Variants in CALN1 observed in about 807,000 individuals in gnomAD.
The protein encoded by CALN1 is calneuron 1, also known as calcium-binding protein 8.
A neutral mutation model predicts 30.6 loss-of-function variants in CALN1; 17 were observed. The ratio of observed to expected loss-of-function variants is 0.56; its 90% CI spans 0.38 to 0.83. CALN1 has a LOEUF of 0.83. CALN1 is among the 40% of genes least tolerant of loss of function. The pLI is 0.00. For missense variants in CALN1, 291 were observed against 354.9 expected, an observed-to-expected ratio of 0.82 and a Z score of 1.45; for synonymous variants, 156 against 131.4, an observed-to-expected ratio of 1.19 and a Z score of -1.28.
At chr7:72,488,287 C>T in the CALN1 span, among the ~76,000 whole-genome samples, 3 of 151,990 alleles carry the variant, frequency 2.0e-5, no homozygotes, top group South Asian at 6.2e-4. Flanking sequence ...AGGAGGATTG[C>T]TTGAGCCCAG....
At chr7:72,430,240 A>G (rs1051469751) in intron 1 of CALN1, among the ~76,000 whole-genome samples, 10 of 148,134 alleles carry the variant, frequency 6.8e-5, no homozygotes, top group African/African-American at 2.4e-4. Context: ...ATATTTACAC[A>G]TAATAATTAT....
intron 5 of CALN1, among the ~76,000 whole-genome samples, chr7:71,987,914 GA>G (rs1392751774): frequency 2.6e-5 from 4 of 152,146 alleles, no homozygotes; most frequent in African/African-American, 9.7e-5. Context: ...ATGGGGAAGG[GA>G]ATGAGACCTC....
intron 3 of CALN1, among the ~76,000 whole-genome samples, chr7:72,247,216 C>T (rs542085601): frequency 1.6e-4 from 20 of 126,480 alleles, no homozygotes; most frequent in Middle Eastern, 4.4e-3. Context: ...TTTCAACAGA[C>T]CATTTTCTTT....
At chr7:72,083,313 T>A (rs1805274525) in intron 4 of CALN1, among the ~76,000 whole-genome samples, 1 of 152,288 alleles carries the variant, frequency 6.6e-6, no homozygotes, top group East Asian at 1.9e-4. Flanking sequence ...GTATGATAAA[T>A]GTGCCAAAGA....
intron 5 of CALN1, among the ~76,000 whole-genome samples, chr7:71,922,810 AATAT>A (rs907583940): frequency 1.4e-5 from 2 of 141,660 alleles, no homozygotes; most frequent in Non-Finnish European, 3.0e-5. Context: ...ATTATATATA[AATAT>A]ATAATATACA....
At chr7:71,990,996 G>GTCT (rs1798919284) in intron 5 of CALN1, among the ~76,000 whole-genome samples, 1 of 150,874 alleles carries the variant, frequency 6.6e-6, no homozygotes, top group Non-Finnish European at 1.5e-5. Context: ...CTAACGCAGA[G>GTCT]GACCAACATC....
At chr7:72,050,308 T>C (rs890864284) in intron 4 of CALN1, among the ~76,000 whole-genome samples, 2 of 152,132 alleles carry the variant, frequency 1.3e-5, no homozygotes, top group African/African-American at 2.4e-5. Context: ...AGTAGTACAA[T>C]TGCAATTACT....
intron 2 of CALN1, among the ~76,000 whole-genome samples, chr7:72,310,963 T>C (rs1429169443): frequency 6.7e-6 from 1 of 149,146 alleles, no homozygotes; most frequent in Admixed American, 6.7e-5. Context: ...ATATATACGG[T>C]GGATCCTTAA....
intron 5 of CALN1, among the ~76,000 whole-genome samples, chr7:71,963,095 C>T (rs1797330405): frequency 6.6e-6 from 1 of 152,170 alleles, no homozygotes; most frequent in African/African-American, 2.4e-5. Context: ...AAAGTTTACT[C>T]TTGCTAGTGT....
At chr7:72,277,553 C>A (rs574254776) in intron 3 of CALN1, among the ~76,000 whole-genome samples, 1 of 152,288 alleles carries the variant, frequency 6.6e-6, no homozygotes, top group South Asian at 2.1e-4. Flanking sequence ...CCCAGCCCAC[C>A]GGGGCCACAT....
At chr7:72,438,009 C>A (rs536727596) in intron 1 of CALN1, among the ~76,000 whole-genome samples, 5 of 150,466 alleles carry the variant, frequency 3.3e-5, no homozygotes, top group African/African-American at 9.8e-5. Flanking sequence ...GAGTCTCAGT[C>A]TGTTGCCCAG....
chr7:71,877,731 T>C (rs1407006499), intron 5 of CALN1, among the ~76,000 whole-genome samples: 1 of 152,182 alleles, frequency 6.6e-6, no homozygotes. Flanking sequence ...AATGTTAATA[T>C]ATAATTTATT....
At chr7:72,366,605 T>G (rs1803892016) in intron 2 of CALN1, among the ~76,000 whole-genome samples, 1 of 152,136 alleles carries the variant, frequency 6.6e-6, no homozygotes, top group Non-Finnish European at 1.5e-5. Context: ...ACATTGTACC[T>G]AATATGTAGT....
At chr7:72,348,700 G>C (rs991224106) in intron 2 of CALN1, among the ~76,000 whole-genome samples, 17 of 152,160 alleles carry the variant, frequency 1.1e-4, no homozygotes, top group Non-Finnish European at 4.4e-5. Context: ...CATATGGATT[G>C]CCCCTTCCTG....
intron 4 of CALN1, among the ~76,000 whole-genome samples, chr7:72,072,739 G>A (rs981300929): frequency 6.6e-6 from 1 of 152,116 alleles, no homozygotes; most frequent in Admixed American, 6.5e-5. Flanking sequence ...TGTATAAAGA[G>A]GTAATTTTGT....
chr7:72,299,115 C>G (rs1438209080), intron 2 of CALN1, among the ~76,000 whole-genome samples: 4 of 152,190 alleles, frequency 2.6e-5, no homozygotes, highest in African/African-American at 9.7e-5. Flanking sequence ...TTCCTAAACA[C>G]TTCACACCAG....
At chr7:72,165,011 G>C (rs948249927) in intron 3 of CALN1, among the ~76,000 whole-genome samples, 1 of 152,166 alleles carries the variant, frequency 6.6e-6, no homozygotes, top group Non-Finnish European at 1.5e-5. Context: ...ATACTTTTAA[G>C]TGGTTACATA....
At chr7:71,870,026 G>A (rs1185748249) in intron 5 of CALN1, among the ~76,000 whole-genome samples, 2 of 152,190 alleles carry the variant, frequency 1.3e-5, no homozygotes, top group Non-Finnish European at 2.9e-5. Flanking sequence ...TACCTCTGGG[G>A]AGAAAAGGAA....
At chr7:72,296,483 A>T (rs934841578) in intron 2 of CALN1, among the ~76,000 whole-genome samples, 1 of 151,612 alleles carries the variant, frequency 6.6e-6, no homozygotes, top group African/African-American at 2.4e-5. Flanking sequence ...CCGTGAATCC[A>T]TCTGGTCCTG....
Sources: gnomAD v4.1 joint callset for allele counts (sites outside exome capture counted in the v4.1 genomes callset) on GRCh38, gnomAD v4.1.1 for gene constraint, MANE v1.5 for transcripts, NCBI Gene and HGNC (gene_info 2026-07-23, HGNC 2026-07-21) for gene names.